Variants in ALK observed in about 807,000 individuals in gnomAD.
ALK encodes ALK tyrosine kinase receptor.
ALK carries 74 observed loss-of-function variants against 163.1 expected under a neutral mutation model. The observed-to-expected ratio is 0.45, with a 90% CI of 0.38 to 0.55. The LOEUF (loss-of-function observed/expected upper bound fraction) is 0.55, where lower values mean the gene tolerates loss of function less well. Among genes scored for constraint, ALK ranks in the 20% least tolerant of loss-of-function variants. The pLI, the probability that ALK is intolerant of heterozygous loss-of-function variation, is 0.00. For synonymous variants in ALK, 960 were observed against 843.2 expected, an observed-to-expected ratio of 1.14 and a Z score of -2.40; for missense variants, 2,063 against 2,105.3, an observed-to-expected ratio of 0.98 and a Z score of 0.39.
chr2:29,709,877 T>C (rs1021443966), intron 2 of ALK, among the ~76,000 whole-genome samples: 1 of 152,230 alleles, frequency 6.6e-6, no homozygotes, highest in African/African-American at 2.4e-5. Flanking sequence ...CAGAACTGAT[T>C]GGAATGTTGG....
chr2:29,370,809 T>C (rs1256248667), intron 5 of ALK, among the ~76,000 whole-genome samples: 1 of 152,222 alleles, frequency 6.6e-6, no homozygotes, highest in Non-Finnish European at 1.5e-5. Context: ...GATCCAGGGC[T>C]GCCATGTTGG....
At chr2:29,765,581 G>A (rs1474084898) in intron 1 of ALK, among the ~76,000 whole-genome samples, 2 of 151,886 alleles carry the variant, frequency 1.3e-5, no homozygotes, top group African/African-American at 2.4e-5. Flanking sequence ...CAAAATGCTG[G>A]GATTACAGGC....
At chr2:29,828,893 T>C (rs533637391) in intron 1 of ALK, among the ~76,000 whole-genome samples, 3 of 151,940 alleles carry the variant, frequency 2.0e-5, no homozygotes, top group Admixed American at 6.5e-5. Flanking sequence ...CTCTTCACAA[T>C]AGCAAAGACT....
intron 12 of ALK, among the ~76,000 whole-genome samples, 193 bp from the exon 13 acceptor site, chr2:29,240,023 G>A (rs1664482045): frequency 6.6e-6 from 1 of 152,098 alleles, no homozygotes; most frequent in Admixed American, 6.5e-5. Flanking sequence ...AGAGGGACAG[G>A]GAGTTGCCTC....
At chr2:29,216,569 A>G (rs1452016273) in intron 23 of ALK, among the ~76,000 whole-genome samples, 1 of 151,508 alleles carries the variant, frequency 6.6e-6, no homozygotes. Context: ...TGCACAGGGC[A>G]GACAGTCAGC....
chr2:29,886,991 G>A (rs1558534146), intron 1 of ALK, among the ~76,000 whole-genome samples: 1 of 152,198 alleles, frequency 6.6e-6, no homozygotes, highest in African/African-American at 2.4e-5. Context: ...TGACTACTCT[G>A]TGGACTTTTC....
chr2:29,689,335 G>A (rs938426508), intron 3 of ALK, among the ~76,000 whole-genome samples: 12 of 152,208 alleles, frequency 7.9e-5, no homozygotes, highest in Non-Finnish European at 1.6e-4. Flanking sequence ...GACTGTGGGT[G>A]CAAAGGAGGC....
At position 29,530,380 on chromosome 2, in the gene ALK, C is replaced by T. The variant is rs191378402; in HGVS notation, c.1154+1535G>A. 1.8e-3 allele frequency among the ~76,000 whole-genome samples: 273 copies of T among 152,310 alleles called. 1 individual carries two copies. Among genetic ancestry groups the T allele is most frequent in the African/African-American group, 6.2e-3 (258 of 41,574 alleles). ...ACAAGAAGTGCTGAAACCCCTCTGG[C>T]ACCTTTTCTCACACTCATGGGTATT... is the stretch of plus-strand genomic sequence containing the variant. On this transcript the variant is annotated intron_variant, in intron 4 of 28. Coordinates refer to ENST00000389048, the MANE Select transcript of ALK (RefSeq NM_004304.5).
At chr2:29,502,616 T>C (rs1423110430) in intron 4 of ALK, among the ~76,000 whole-genome samples, 1 of 152,126 alleles carries the variant, frequency 6.6e-6, no homozygotes, top group African/African-American at 2.4e-5. Context: ...CAGATTAACT[T>C]GGAGGAACAG....
chr2:29,580,307 C>T (rs1674643837), intron 3 of ALK, among the ~76,000 whole-genome samples: 1 of 152,210 alleles, frequency 6.6e-6, no homozygotes, highest in Non-Finnish European at 1.5e-5. Context: ...ATCCCAACAT[C>T]TGAAAAGCTG....
intron 2 of ALK, among the ~76,000 whole-genome samples, chr2:29,710,027 G>T (rs1014737286): frequency 2.0e-5 from 3 of 152,298 alleles, no homozygotes; most frequent in East Asian, 3.9e-4. Flanking sequence ...TACCATGGGA[G>T]GGACCCTGTG....
chr2:29,676,167 A>G (rs1009527131), intron 3 of ALK, among the ~76,000 whole-genome samples: 2 of 152,020 alleles, frequency 1.3e-5, no homozygotes, highest in African/African-American at 4.8e-5. Flanking sequence ...CATTTTCCTA[A>G]TGGTGTCTTT....
intron 24 of ALK, among the ~76,000 whole-genome samples, chr2:29,210,557 C>G (rs906843874): frequency 7.2e-5 from 11 of 152,144 alleles, no homozygotes; most frequent in Admixed American, 2.6e-4. Flanking sequence ...TTCAGCCTCC[C>G]AAGTAGCTGG....
chr2:29,845,809 G>A (rs1183695552), intron 1 of ALK, among the ~76,000 whole-genome samples: 1 of 152,186 alleles, frequency 6.6e-6, no homozygotes, highest in Non-Finnish European at 1.5e-5. Context: ...GAAACCTTTG[G>A]TTGAGGAGCA....
intron 1 of ALK, among the ~76,000 whole-genome samples, chr2:29,802,714 T>C (rs1463898683): frequency 2.6e-5 from 4 of 151,620 alleles, no homozygotes; most frequent in African/African-American, 9.7e-5. Context: ...GATTTTTAGA[T>C]CACTGTTCTA....
chr2:29,235,361 C>T (rs1054058747), intron 13 of ALK, among the ~76,000 whole-genome samples: 9 of 152,076 alleles, frequency 5.9e-5, no homozygotes, highest in Admixed American at 3.3e-4. Flanking sequence ...TCAGGGGTGC[C>T]GGCAATGAGT....
chr2:29,368,957 C>T (rs1668576293), intron 5 of ALK, among the ~76,000 whole-genome samples: 1 of 152,114 alleles, frequency 6.6e-6, no homozygotes, highest in African/African-American at 2.4e-5. Context: ...AACAAATAAA[C>T]AAACATACAT....
In ALK at chr2:29,225,608, T is replaced by C. The variant is rs150079428; in HGVS notation, c.3068-43A>G. 8,561 of 1,541,546 alleles carry C rather than the reference T, an allele frequency of 5.6e-3. 39 individuals carry two copies. The highest frequency in any genetic ancestry group is 6.9e-3 in the Non-Finnish European group (7,815 of 1,125,014). On this transcript the variant is annotated intron_variant, in intron 18 of 28. Coordinates refer to ENST00000389048, the MANE Select transcript of ALK (RefSeq NM_004304.5). ...CTGGGGTATTGACAACCACACCAGG[T>C]CTCCTTTGAGTTGGTCCCAAGTCAG...
chr2:29,630,254 G>A (rs373429552), intron 3 of ALK, among the ~76,000 whole-genome samples: 20 of 152,256 alleles, frequency 1.3e-4, no homozygotes, highest in African/African-American at 3.8e-4. Context: ...CAAGCCCATC[G>A]TGGAGAAAAT....
Sources: gnomAD v4.1 joint callset for allele counts (sites outside exome capture counted in the v4.1 genomes callset) on GRCh38, gnomAD v4.1.1 for gene constraint, MANE v1.5 for transcripts, NCBI Gene and HGNC (gene_info 2026-07-23, HGNC 2026-07-21) for gene names.